NKAIN3: variants seen among roughly 807,000 people sequenced by gnomAD.
NKAIN3 encodes the protein sodium/potassium transporting ATPase interacting 3.
NKAIN3 carries 25 observed loss-of-function variants against 30.2 expected under a neutral mutation model. That is an observed-to-expected ratio of 0.83 (90% CI 0.60 to 1.16). The LOEUF (loss-of-function observed/expected upper bound fraction) is 1.16, where lower values mean the gene tolerates loss of function less well. Among genes scored for constraint, NKAIN3 ranks in the 50% most tolerant of loss-of-function variants. The probability of loss-of-function intolerance (pLI) is 0.00; values close to 1 mark genes in which losing one functional copy is unlikely to be tolerated. For missense variants in NKAIN3, 225 were observed against 254.1 expected (o/e 0.89, Z 0.78); for synonymous variants, 91 against 89.6 (o/e 1.02, Z -0.09).
chr8:62,876,876 A>G (rs1425630005), intron 4 of NKAIN3, among the ~76,000 whole-genome samples: 2 of 152,110 alleles, frequency 1.3e-5, no homozygotes, highest in Non-Finnish European at 2.9e-5. Context: ...ATCATGGCAC[A>G]CGTATACCTA....
intron 1 of NKAIN3, among the ~76,000 whole-genome samples, chr8:62,461,023 G>A (rs1398256000): frequency 6.6e-6 from 1 of 152,182 alleles, no homozygotes; most frequent in African/African-American, 2.4e-5. Flanking sequence ...GTCCAGGGCT[G>A]TGCCTGCTCA....
chr8:62,280,728 C>A (rs1813149609), intron 1 of NKAIN3, among the ~76,000 whole-genome samples: 1 of 152,188 alleles, frequency 6.6e-6, no homozygotes, highest in South Asian at 2.1e-4. Flanking sequence ...ATAAAGCCAA[C>A]TTGATCGTGG....
chr8:62,852,199 G>A (rs1819930259), intron 4 of NKAIN3, among the ~76,000 whole-genome samples: 1 of 152,072 alleles, frequency 6.6e-6, no homozygotes, highest in Admixed American at 6.6e-5. Flanking sequence ...TGTATGTGTT[G>A]AGGAATTTAT....
At chr8:62,923,282 G>C (rs1822335605) in intron 5 of NKAIN3, among the ~76,000 whole-genome samples, 1 of 151,904 alleles carries the variant, frequency 6.6e-6, no homozygotes, top group Admixed American at 6.6e-5. Context: ...CTGAGATCCT[G>C]CCACTGCACT....
In NKAIN3 at chr8:62,361,660, A is replaced by G. The variant is rs117050658; in HGVS notation, c.54+112533A>G. Among the ~76,000 whole-genome samples, 703 of 152,344 alleles carry G rather than the reference A, an allele frequency of 4.6e-3. 34 individuals are homozygous for G. In the East Asian group the frequency reaches 0.11, roughly 23 times the overall value. On this transcript the variant is annotated intron_variant, in intron 1 of 6. Coordinates refer to ENST00000623646, the MANE Select transcript of NKAIN3 (RefSeq NM_001304533.3). Reference sequence around the variant, plus strand: ...GATTTTGTTAAACGAAATGTACTTAATGACTCATATTCTTCATATAAGTGT... The same window carrying G: ...GATTTTGTTAAACGAAATGTACTTAGTGACTCATATTCTTCATATAAGTGT...
intron 4 of NKAIN3, among the ~76,000 whole-genome samples, chr8:62,803,621 A>G (rs1216830491): frequency 6.6e-6 from 1 of 152,218 alleles, no homozygotes; most frequent in Non-Finnish European, 1.5e-5. Context: ...AGCAGTGTGT[A>G]GAGGGAAATT....
At chr8:62,818,602 G>T (rs113053212) in intron 4 of NKAIN3, among the ~76,000 whole-genome samples, 43 of 152,006 alleles carry the variant, frequency 2.8e-4, no homozygotes, top group Non-Finnish European at 5.0e-4. Context: ...CCAATTATGT[G>T]TCAAGCACTA....
At chr8:62,435,452 T>TA (rs76170755) in intron 1 of NKAIN3, among the ~76,000 whole-genome samples, 21,065 of 152,066 alleles carry the variant, frequency 0.14, 1,754 homozygotes, top group East Asian at 0.4. Flanking sequence ...ATACTAAAAA[T>TA]AAAAAGATGT....
chr8:62,998,962 A>G (rs935802261), intron 5 of NKAIN3, among the ~76,000 whole-genome samples: 12 of 152,186 alleles, frequency 7.9e-5, no homozygotes, highest in African/African-American at 2.9e-4. Context: ...CATTTCCCTA[A>G]TAATTAGTGA....
intron 1 of NKAIN3, among the ~76,000 whole-genome samples, chr8:62,500,477 GAAA>G (rs1563427473): frequency 3.3e-5 from 4 of 121,774 alleles, no homozygotes; most frequent in Non-Finnish European, 5.1e-5. Context: ...AAGAAAGAAA[GAAA>G]GAAAGAAGAA....
At chr8:62,421,691 G>A (rs1188291778) in intron 1 of NKAIN3, among the ~76,000 whole-genome samples, 1 of 151,808 alleles carries the variant, frequency 6.6e-6, no homozygotes, top group Non-Finnish European at 1.5e-5. Flanking sequence ...CTCCCCACAG[G>A]AAACCAGGCT....
chr8:62,485,144 A>G (rs1239351790), intron 1 of NKAIN3, among the ~76,000 whole-genome samples: 2 of 152,090 alleles, frequency 1.3e-5, no homozygotes, highest in Non-Finnish European at 2.9e-5. Context: ...TTCATGATGT[A>G]TGCTAAATTC....
chr8:62,588,144 T>C (rs1286407050), intron 2 of NKAIN3, among the ~76,000 whole-genome samples: 1 of 151,862 alleles, frequency 6.6e-6, no homozygotes. Context: ...CATTTCAATA[T>C]ACTTATAATT....
In NKAIN3 at chr8:62,912,398, T is replaced by C. The variant is rs541000007; in HGVS notation, c.472-6055T>C. On this transcript the variant is annotated intron_variant, in intron 4 of 6. Coordinates refer to ENST00000623646, the MANE Select transcript of NKAIN3 (RefSeq NM_001304533.3). ...ACTTAGGCTATACTACATTTAATTT[T>C]TAAATTTACTTTCTTCAATAATAAA... is the stretch of plus-strand genomic sequence containing the variant. Among the ~76,000 whole-genome samples, 4 of 152,134 alleles carry C rather than the reference T, an allele frequency of 2.6e-5. No individual in the cohort carries two copies. The East Asian group carries it at 7.7e-4, about 29-fold the overall frequency.
At chr8:62,322,618 T>G (rs1294151501) in intron 1 of NKAIN3, among the ~76,000 whole-genome samples, 1 of 152,256 alleles carries the variant, frequency 6.6e-6, no homozygotes, top group Non-Finnish European at 1.5e-5. Context: ...TGGAAAACCA[T>G]GTTAAATGGG....
At chr8:62,835,771 A>T (rs1175409645) in intron 4 of NKAIN3, among the ~76,000 whole-genome samples, 2 of 152,118 alleles carry the variant, frequency 1.3e-5, no homozygotes, top group East Asian at 1.9e-4. Context: ...CTTCCATAGA[A>T]AGTGGCTTGG....
intron 3 of NKAIN3, among the ~76,000 whole-genome samples, chr8:62,735,046 C>G (rs1335995030): frequency 6.6e-6 from 1 of 152,130 alleles, no homozygotes; most frequent in Non-Finnish European, 1.5e-5. Context: ...TTTCCTTTGT[C>G]TTGACTTTAG....
chr8:62,317,107 A>T (rs1329357920), intron 1 of NKAIN3, among the ~76,000 whole-genome samples: 1 of 151,988 alleles, frequency 6.6e-6, no homozygotes, highest in Non-Finnish European at 1.5e-5. Flanking sequence ...TCCTTCACCC[A>T]CTTTTTGATG....
rs771429345 is a variant in NKAIN3 at position 62,976,430 on chromosome 8, A to G, written c.*11023A>G. On this transcript the variant is annotated 3_prime_UTR_variant, in exon 7 of 7. Coordinates refer to ENST00000623646, the MANE Select transcript of NKAIN3 (RefSeq NM_001304533.3). Reference sequence around the variant, plus strand: ...TTCCTGTTGCATTGATCCTTTTACTATTATGTAATGGCCTTCTGTGTCTGT... The same window carrying G: ...TTCCTGTTGCATTGATCCTTTTACTGTTATGTAATGGCCTTCTGTGTCTGT... 6.6e-5 allele frequency among the ~76,000 whole-genome samples: 10 copies of G among 152,002 alleles called. No homozygotes were observed. The highest frequency in any genetic ancestry group is 8.8e-5 in the Non-Finnish European group (6 of 67,984).
Sources: allele counts gnomAD v4.1 joint callset (sites outside exome capture counted in the v4.1 genomes callset), GRCh38; gene constraint gnomAD v4.1.1; transcripts MANE v1.5; gene names NCBI Gene and HGNC (gene_info 2026-07-23, HGNC 2026-07-21).